Variants in AACS observed in about 807,000 individuals in gnomAD.
AACS encodes the protein acetoacetate-CoA ligase.
AACS carries 69 observed loss-of-function variants against 83.1 expected under a neutral mutation model. The observed-to-expected ratio is 0.83, with a 90% CI of 0.68 to 1.01. AACS has a LOEUF of 1.01. AACS is among the 50% of genes least tolerant of loss of function. The pLI, the probability that AACS is intolerant of heterozygous loss-of-function variation, is 0.00. For synonymous variants in AACS, 333 were observed against 343.4 expected (o/e 0.97, Z 0.33); for missense variants, 866 against 882.2 (o/e 0.98, Z 0.23).
chr12:125,069,278 C>T (rs533596013), intron 1 of AACS, among the ~76,000 whole-genome samples: 3 of 152,364 alleles, frequency 2.0e-5, no homozygotes, highest in African/African-American at 7.2e-5. Flanking sequence ...GCAAGGCACA[C>T]ATCCTCAGCA....
Position 125,129,343 on chromosome 12 carries a change from G to A in AACS, c.1432G>A (p.Val478Ile). 1 of 1,613,140 alleles carries A rather than the reference G, an allele frequency of 6.2e-7. No individual in the cohort carries two copies. The change falls in exon 14 of 18, where the codon GTC becomes ATC. Residue 478 changes from valine to isoleucine, a missense_variant. Val to Ile is a conservative substitution (Grantham distance 29). Coordinates refer to ENST00000316519, the MANE Select transcript of AACS (RefSeq NM_023928.5). The surrounding 1 kb of genome is among the most constrained non-coding windows in gnomAD (Gnocchi z 4.3). Reference protein sequence around the residue: ...VEAWNEEGKAVWGESGELVCT... With the variant: ...VEAWNEEGKAIWGESGELVCT... ...TAATTCTCCCATACCAGGAAAGGCG[G>A]TCTGGGGAGAGAGCGGCGAGCTGGT... is the stretch of plus-strand genomic sequence containing the variant.
At chr12:125,086,225 T>C in intron 3 of AACS, 105 bp from the exon 4 acceptor site, 1 of 942,238 alleles carries the variant, frequency 1.1e-6, no homozygotes, top group Non-Finnish European at 1.7e-6. Flanking sequence ...TGGGTGTAGA[T>C]TAATAACCTG....
chr12:125,094,321 G>A lies in AACS; in HGVS notation c.570+2798G>A, dbSNP rs1448291515. On this transcript the variant is annotated intron_variant, in intron 5 of 17. Transcript: ENST00000316519. The surrounding 1 kb of genome is among the most constrained non-coding windows in gnomAD (Gnocchi z 4.1). The stretch of plus-strand genomic sequence containing the variant: ...ATGAAGCGTGAATGTCTTCCCTTTG[G>A]AATCATGTTTTCTCTTGCTTTGAAA... Among the ~76,000 whole-genome samples the A allele has an allele frequency of 1.7e-4, 26 of 152,220 alleles. No homozygotes were observed. The highest frequency in any genetic ancestry group is 3.8e-4 in the Non-Finnish European group (26 of 68,042).
At chr12:125,078,371 G>A (rs1471779079) in intron 3 of AACS, 3 of 455,066 alleles carry the variant, frequency 6.6e-6, no homozygotes, top group Non-Finnish European at 8.8e-6. Context: ...TATGGGGCTG[G>A]TCAGTGTTCC....
At chr12:125,081,915 G>T (rs11058030) in intron 3 of AACS, among the ~76,000 whole-genome samples, 61,201 of 149,786 alleles carry the variant, frequency 0.41, 13,089 homozygotes, top group Non-Finnish European at 0.48. Flanking sequence ...CACTCTTGTT[G>T]CCCAGGCTGG....
At chr12:125,139,321 A>C (rs1162034791) in intron 17 of AACS, 1 of 152,230 alleles carries the variant, frequency 6.6e-6, no homozygotes, top group East Asian at 1.9e-4. Flanking sequence ...GCCCCGGGGG[A>C]CTGGGGAGGC....
chr12:125,076,669 C>CA, intron 3 of AACS, 58 bp downstream of exon 3: 1 of 1,602,596 alleles, frequency 6.2e-7, no homozygotes, highest in Non-Finnish European at 8.5e-7. Context: ...ATGGTGCATG[C>CA]ATGCGGTGCC....
Position 125,118,760 on chromosome 12 carries a change from G to C in AACS, c.1116G>C (p.Arg372Ser). 1 of 1,614,098 alleles carries C rather than the reference G, an allele frequency of 6.2e-7. No individual in the cohort carries two copies. The highest frequency in any genetic ancestry group is 1.1e-5 in the South Asian group (1 of 91,062). Residue 372 changes from arginine (R) to serine (S), a missense_variant, in exon 10 of 18, where the codon AGG becomes AGC. Transcript: ENST00000316519. The stretch of plus-strand genomic sequence containing the variant: ...ATGTGCTCTGGGACCTGGTTGACAG[G>C]ATAGGGTAGGTACCAAGATGCTGTG... ...TPNVLWDLVD[R>S]IGITVLVTGA...
At chr12:125,114,249 C>G (rs1957009072) in intron 8 of AACS, among the ~76,000 whole-genome samples, 1 of 151,692 alleles carries the variant, frequency 6.6e-6, no homozygotes, top group Non-Finnish European at 1.5e-5. Context: ...GGGTTTTCCT[C>G]TCCAGACTAC....
chr12:125,071,771 T>C (rs1345418533), intron 1 of AACS, among the ~76,000 whole-genome samples: 2 of 152,180 alleles, frequency 1.3e-5, no homozygotes, highest in Non-Finnish European at 2.9e-5. Flanking sequence ...CAAGAGGCCA[T>C]TGTGGCTGCA....
chr12:125,139,294 C>T (rs1289151638), intron 17 of AACS: 2 of 152,328 alleles, frequency 1.3e-5, no homozygotes, highest in Non-Finnish European at 2.9e-5. Context: ...GGTGATGCGG[C>T]ACCATTGGAG....
At chr12:125,106,477 A>G (rs1472059786) in intron 7 of AACS, among the ~76,000 whole-genome samples, 1 of 152,164 alleles carries the variant, frequency 6.6e-6, no homozygotes. Flanking sequence ...GTATCTTGCT[A>G]TTGTAAACCT....
intron 7 of AACS, chr12:125,105,868 A>G (rs1956822805): frequency 6.6e-6 from 1 of 152,228 alleles, no homozygotes; most frequent in South Asian, 2.1e-4. Flanking sequence ...ATCTGATTAG[A>G]TCTGGCACTT....
rs768451520 is a variant in AACS, at chr12:125,107,211, C to G, written c.858C>G (p.Phe286Leu). ...AGCTGCCCTTCAGCCACCCACTGTT[C>G]ATCATGTTCTCATCGGGCACCACGG... ...FEQLPFSHPL[F>L]IMFSSGTTGA... Residue 286 changes from phenylalanine (F) to leucine (L), a missense_variant, in exon 8 of 18, where the codon TTC (phenylalanine) becomes TTG (leucine). Physicochemically the swap from Phe to Leu is conservative, Grantham distance 22. Coordinates refer to ENST00000316519, the MANE Select transcript of AACS (RefSeq NM_023928.5). The G allele has an allele frequency of 2.5e-6, 4 of 1,614,010 alleles. No homozygotes were observed. The South Asian group carries it at 4.4e-5, about 18-fold the overall frequency.
At chr12:125,103,764 G>T (rs550610423) in intron 7 of AACS, among the ~76,000 whole-genome samples, 1 of 151,858 alleles carries the variant, frequency 6.6e-6, no homozygotes, top group South Asian at 2.1e-4. Context: ...CGAGGCAGGC[G>T]GATCACGAGG....
chr12:125,109,997 A>T (rs1322222671), intron 8 of AACS, among the ~76,000 whole-genome samples: 1 of 151,276 alleles, frequency 6.6e-6, no homozygotes, highest in African/African-American at 2.4e-5. Flanking sequence ...TTCAGAAATG[A>T]AATGCCTGGG....
In AACS at chr12:125,134,808, A is replaced by G. The variant is rs780804998; in HGVS notation, c.1634A>G (p.Asn545Ser). ...TCTCTTTCCAGTGACGGCACCCTCA[A>G]CCCCAACGGGGTGCGGTTCGGCAGC... ...VMLGRSDGTL[N>S]PNGVRFGSSE... The change falls in exon 16 of 18, where the codon AAC (asparagine) becomes AGC (serine). Residue 545 changes from asparagine (N) to serine (S), a missense_variant. By Grantham distance (46) the Asn-to-Ser change is conservative. Coordinates refer to ENST00000316519, the MANE Select transcript of AACS (RefSeq NM_023928.5). 6.2e-7 allele frequency: 1 copy of G among 1,613,920 alleles called. No homozygotes were observed. The highest frequency in any genetic ancestry group is 8.5e-7 in the Non-Finnish European group (1 of 1,179,976).
intron 1 of AACS, among the ~76,000 whole-genome samples, chr12:125,070,075 A>G (rs1180002593): frequency 6.6e-6 from 1 of 152,216 alleles, no homozygotes; most frequent in Non-Finnish European, 1.5e-5. Flanking sequence ...CAAGCTCTAC[A>G]GGGGGATTGA....
intron 8 of AACS, among the ~76,000 whole-genome samples, chr12:125,114,127 C>T (rs1006950590): frequency 8.6e-5 from 13 of 151,928 alleles, no homozygotes; most frequent in South Asian, 2.1e-4. Context: ...GTCTTTTGCT[C>T]GTTGACTCTC....
Sources: gnomAD v4.1 joint callset for allele counts (sites outside exome capture counted in the v4.1 genomes callset) on GRCh38, gnomAD v4.1.1 for gene constraint, Gnocchi (gnomAD v3.1) non-coding constraint, MANE v1.5 for transcripts, NCBI Gene and HGNC (gene_info 2026-07-23, HGNC 2026-07-21) for gene names.